The following CPPED1 variants were observed in gnomAD, a reference collection of about 807,000 sequenced individuals.
CPPED1 encodes the protein serine/threonine-protein phosphatase CPPED1.
Under a neutral mutation model 28.0 loss-of-function variants are expected in CPPED1, and 28 were observed. The observed-to-expected ratio is 1.00, with a 90% CI of 0.74 to 1.37. The LOEUF (loss-of-function observed/expected upper bound fraction) is 1.37. Among genes scored for constraint, CPPED1 ranks in the 40% most tolerant of loss-of-function variants. The pLI, the probability that CPPED1 is intolerant of heterozygous loss-of-function variation, is 0.00. For synonymous variants in CPPED1, 198 were observed against 180.2 expected (o/e 1.10, Z -0.79); for missense variants, 504 against 416.5 (o/e 1.21, Z -1.83).
intron 2 of CPPED1, among the ~76,000 whole-genome samples, chr16:12,764,774 T>C (rs543462671): frequency 6.6e-6 from 1 of 152,352 alleles, no homozygotes; most frequent in Non-Finnish European, 1.5e-5. Flanking sequence ...TTTTGTTTTA[T>C]TTGTACCTCT....
At chr16:12,676,048 T>C (rs767387788) in intron 3 of CPPED1, among the ~76,000 whole-genome samples, 1 of 152,184 alleles carries the variant, frequency 6.6e-6, no homozygotes, top group Non-Finnish European at 1.5e-5. Flanking sequence ...ACCTGACTCA[T>C]TCAGGAAGAG....
Position 12,728,929 on chromosome 16 carries a change from G to A in CPPED1, c.290-23880C>T, listed in dbSNP as rs370988913. ...GGACAAACGGTGAGCTCACTGGGGC[G>A]GGACCTGGATAGTAAGTGAATGGGA... On this transcript the variant is annotated intron_variant, in intron 2 of 3. Coordinates refer to ENST00000381774, the MANE Select transcript of CPPED1 (RefSeq NM_018340.3). Among the ~76,000 whole-genome samples the A allele has an allele frequency of 3.3e-5, 5 of 152,140 alleles. No homozygotes were observed. The East Asian group carries it at 5.8e-4, about 18-fold the overall frequency.
intron 2 of CPPED1, among the ~76,000 whole-genome samples, chr16:12,745,137 C>T (rs1228182655): frequency 1.3e-5 from 2 of 152,154 alleles, no homozygotes; most frequent in Non-Finnish European, 2.9e-5. Context: ...GGGACAACTT[C>T]AAGCAGGCTA....
intron 2 of CPPED1, among the ~76,000 whole-genome samples, chr16:12,762,534 A>G (rs781574418): frequency 9.9e-5 from 15 of 152,244 alleles, no homozygotes; most frequent in African/African-American, 3.6e-4. Flanking sequence ...CAACAGCTAC[A>G]ACATGGATAA....
intron 3 of CPPED1, among the ~76,000 whole-genome samples, chr16:12,697,313 A>T (rs1190100991): frequency 6.6e-6 from 1 of 152,148 alleles, no homozygotes; most frequent in Non-Finnish European, 1.5e-5. Context: ...ATTTTTTTCT[A>T]ATACATGTGA....
chr16:12,792,842 T>C (rs2080604858), intron 1 of CPPED1, among the ~76,000 whole-genome samples: 1 of 152,182 alleles, frequency 6.6e-6, no homozygotes, highest in African/African-American at 2.4e-5. Context: ...TCCCCAGCCA[T>C]GTGAAGTGTC....
intron 2 of CPPED1, among the ~76,000 whole-genome samples, chr16:12,721,124 G>A (rs150742913): frequency 5.9e-5 from 9 of 152,188 alleles, no homozygotes; most frequent in East Asian, 3.9e-4. Flanking sequence ...AGGTGTCCAC[G>A]TTACCACGAT....
At chr16:12,717,410 C>A (rs1002628671) in intron 2 of CPPED1, among the ~76,000 whole-genome samples, 1 of 152,152 alleles carries the variant, frequency 6.6e-6, no homozygotes, top group African/African-American at 2.4e-5. Flanking sequence ...ACTACAGGCG[C>A]CCGCCACTGC....
intron 2 of CPPED1, among the ~76,000 whole-genome samples, chr16:12,713,466 T>C (rs1171829598): frequency 6.6e-6 from 1 of 151,982 alleles, no homozygotes; most frequent in East Asian, 1.9e-4. Context: ...CCTGGGTTCA[T>C]GCGATTCTCC....
At chr16:12,675,477 T>C (rs988610892) in intron 3 of CPPED1, among the ~76,000 whole-genome samples, 2 of 152,236 alleles carry the variant, frequency 1.3e-5, no homozygotes, top group Non-Finnish European at 2.9e-5. Context: ...TTTTAAGCTA[T>C]CTTGATTCAA....
chr16:12,685,376 G>A (rs1400887216), intron 3 of CPPED1, among the ~76,000 whole-genome samples: 1 of 152,186 alleles, frequency 6.6e-6, no homozygotes, highest in Non-Finnish European at 1.5e-5. Flanking sequence ...CTTGAACCCA[G>A]GAGGCGGAGG....
intron 1 of CPPED1, among the ~76,000 whole-genome samples, chr16:12,782,581 C>T (rs2080538906): frequency 6.7e-6 from 1 of 150,068 alleles, no homozygotes; most frequent in African/African-American, 2.5e-5. Flanking sequence ...AATGTATGGC[C>T]AGGTACAGTG....
chr16:12,747,432 AAAAT>A (rs55706541), intron 2 of CPPED1, among the ~76,000 whole-genome samples: 9,207 of 145,084 alleles, frequency 0.063, 401 homozygotes, highest in South Asian at 0.14. Context: ...CTCTGTTTTA[AAAAT>A]AAATAAATAA....
chr16:12,698,281 G>GA (rs1216236308), intron 3 of CPPED1, among the ~76,000 whole-genome samples: 1 of 152,184 alleles, frequency 6.6e-6, no homozygotes, highest in African/African-American at 2.4e-5. Flanking sequence ...TTACAGAGGT[G>GA]AATAAGGCTG....
intron 3 of CPPED1, among the ~76,000 whole-genome samples, chr16:12,690,770 A>G (rs115769565): frequency 5.4e-4 from 83 of 152,316 alleles, no homozygotes; most frequent in African/African-American, 1.9e-3. Context: ...TATGAAAGAA[A>G]AATTCCTGCT....
chr16:12,664,345 T>C lies in CPPED1; in HGVS notation c.*541A>G. On this transcript the variant is annotated 3_prime_UTR_variant, in exon 4 of 4. Transcript: ENST00000381774. This position sits in a 1 kb window ranked among gnomAD's most constrained non-coding sequence, Gnocchi z 4.2. ...GAATTGAACAGTAAATGGTGCCTAC[T>C]TGGCTCCTTGTCAAAATAAGTCTGC... The C allele has an allele frequency of 2.0e-6, 2 of 989,590 alleles. No individual in the cohort carries two copies. Among genetic ancestry groups the C allele is most frequent in the Non-Finnish European group, 2.4e-6 (2 of 832,696 alleles). 61.3% of individuals were successfully genotyped at this position (989,590 alleles called of 1,614,324 possible). A position where few individuals can be genotyped will look rare whatever the true frequency, so the allele number is the denominator to read the frequency against.
intron 2 of CPPED1, among the ~76,000 whole-genome samples, chr16:12,764,872 T>A (rs750648401): frequency 2.1e-4 from 32 of 152,314 alleles, no homozygotes; most frequent in Non-Finnish European, 3.8e-4. Flanking sequence ...GGCAAACACA[T>A]AGGCAGATCC....
At chr16:12,771,200 G>A (rs1371998645) in intron 2 of CPPED1, among the ~76,000 whole-genome samples, 1 of 152,168 alleles carries the variant, frequency 6.6e-6, no homozygotes, top group Admixed American at 6.5e-5. Flanking sequence ...TCTAAGTGAA[G>A]CACAGATTTC....
chr16:12,696,222 C>A (rs903900165), intron 3 of CPPED1, among the ~76,000 whole-genome samples: 3 of 152,112 alleles, frequency 2.0e-5, no homozygotes, highest in African/African-American at 7.2e-5. Context: ...AGGCAGCAGG[C>A]ATGTCCCCAA....
Sources: allele counts gnomAD v4.1 joint callset (sites outside exome capture counted in the v4.1 genomes callset), GRCh38; gene constraint gnomAD v4.1.1; non-coding constraint Gnocchi (gnomAD v3.1); transcripts MANE v1.5; gene names NCBI Gene and HGNC (gene_info 2026-07-23, HGNC 2026-07-21).